RAB27B: variants seen among roughly 807,000 people sequenced by gnomAD.
RAB27B encodes the protein RAB27B, member RAS oncogene family.
In RAB27B, 15 loss-of-function variants were observed where a neutral mutation model predicts 24.6. The ratio of observed to expected loss-of-function variants is 0.61; its 90% CI spans 0.41 to 0.94. RAB27B has a LOEUF of 0.94. Among genes scored for constraint, RAB27B ranks in the 40% least tolerant of loss-of-function variants. RAB27B has a pLI of 0.00. For synonymous variants in RAB27B, 105 were observed against 92.5 expected (o/e 1.14, Z -0.78); for missense variants, 261 against 266.8 (o/e 0.98, Z 0.15).
intron 2 of RAB27B, among the ~76,000 whole-genome samples, chr18:54,812,560 C>A (rs959661348): frequency 1.4e-5 from 2 of 139,236 alleles, no homozygotes; most frequent in African/African-American, 5.2e-5. Flanking sequence ...AACACACACA[C>A]ACACACACAC....
intron 1 of RAB27B, among the ~76,000 whole-genome samples, chr18:54,861,494 C>A (rs370614270): frequency 1.3e-5 from 2 of 152,036 alleles, no homozygotes; most frequent in Non-Finnish European, 2.9e-5. Context: ...TTGAATCAGG[C>A]GCCTATGGTG....
intron 2 of RAB27B, among the ~76,000 whole-genome samples, chr18:54,758,759 C>T (rs775599417): frequency 2.0e-5 from 3 of 151,992 alleles, no homozygotes; most frequent in Admixed American, 6.6e-5. Flanking sequence ...TGAAGGCATT[C>T]GATGGTGATT....
At chr18:54,879,553 C>G in intron 3 of RAB27B, 99 bp downstream of exon 3, 1 of 963,324 alleles carries the variant, frequency 1.0e-6, no homozygotes, top group Non-Finnish European at 1.7e-6. Context: ...TAATATTCAA[C>G]TCTTCTCCTG....
intron 2 of RAB27B, among the ~76,000 whole-genome samples, chr18:54,724,138 A>G (rs1287258603): frequency 2.0e-5 from 3 of 151,618 alleles, no homozygotes; most frequent in Non-Finnish European, 4.4e-5. Context: ...TTGGATGTCA[A>G]AATAAAGGTA....
intron 2 of RAB27B, chr18:54,745,373 G>T: frequency 6.3e-6 from 1 of 159,544 alleles, no homozygotes; most frequent in South Asian, 1.7e-4. Flanking sequence ...TGAATAGGAA[G>T]AGCAGGCTGT....
intron 3 of RAB27B, among the ~76,000 whole-genome samples, chr18:54,882,443 C>T (rs147083908): frequency 7.9e-5 from 12 of 152,144 alleles, no homozygotes; most frequent in Non-Finnish European, 1.3e-4. Context: ...AATAAACAAT[C>T]GCAATGGAGC....
chr18:54,850,334 ATATATAT>A (rs1911515725), intron 1 of RAB27B, among the ~76,000 whole-genome samples: 1 of 8,982 alleles, frequency 1.1e-4, no homozygotes, highest in African/African-American at 2.6e-4. Flanking sequence ...AACAAACAGG[ATATATAT>A]ATATATATAT....
Position 54,842,399 on chromosome 18 carries a change from C to T in RAB27B, c.-20+13699C>T, listed in dbSNP as rs140112429. On this transcript the variant is annotated intron_variant, in intron 1 of 5. Transcript: ENST00000262094. ...TTTCCAGTCTTACTTCAAGGGCATACGGTTTTGAACTATTTTTCAGAAAAG... is the reference window on the plus strand; with the variant it reads ...TTTCCAGTCTTACTTCAAGGGCATATGGTTTTGAACTATTTTTCAGAAAAG... Among the ~76,000 whole-genome samples, 93 of 152,190 alleles carry T rather than the reference C, an allele frequency of 6.1e-4. 2 individuals are homozygous for T. In the South Asian group the frequency reaches 0.016, roughly 27 times the overall value.
chr18:54,889,491 G>A lies in RAB27B; in HGVS notation c.*78G>A. Reference sequence around the variant, plus strand: ...AACAATGACAAACCACACAATTGTTGTTGAGTAAACCACGCACAATGGCAT... The same window carrying A: ...AACAATGACAAACCACACAATTGTTATTGAGTAAACCACGCACAATGGCAT... On this transcript the variant is annotated 3_prime_UTR_variant, in exon 6 of 6. Coordinates refer to ENST00000262094, the MANE Select transcript of RAB27B (RefSeq NM_004163.4). The A allele has an allele frequency of 7.5e-7, 1 of 1,335,236 alleles. No individual in the cohort carries two copies. The highest frequency in any genetic ancestry group is 1.6e-5 in the South Asian group (1 of 63,320). The allele number at this position is 1,335,236 out of a possible 1,614,324, so 82.7% of individuals were successfully genotyped here.
At chr18:54,761,879 A>G (rs1568056270) in intron 2 of RAB27B, among the ~76,000 whole-genome samples, 1 of 152,160 alleles carries the variant, frequency 6.6e-6, no homozygotes, top group African/African-American at 2.4e-5. Flanking sequence ...GCCCACCCAG[A>G]GTCTCCTAAT....
intron 2 of RAB27B, among the ~76,000 whole-genome samples, chr18:54,807,861 G>A (rs542043386): frequency 2.6e-5 from 4 of 152,268 alleles, no homozygotes; most frequent in Admixed American, 2.6e-4. Flanking sequence ...TAAACAGCAT[G>A]AGACATTAAA....
intron 2 of RAB27B, among the ~76,000 whole-genome samples, chr18:54,766,392 C>A (rs73960612): frequency 7.9e-5 from 12 of 152,040 alleles, no homozygotes; most frequent in Non-Finnish European, 1.6e-4. Flanking sequence ...ATTTGGGAGA[C>A]CTGGGTTTCA....
chr18:54,761,013 C>A (rs1282929274), intron 2 of RAB27B, among the ~76,000 whole-genome samples: 1 of 145,202 alleles, frequency 6.9e-6, no homozygotes, highest in Non-Finnish European at 1.5e-5. Flanking sequence ...TTTTTTTTAA[C>A]TGAATATCAA....
At position 54,744,456 on chromosome 18, in the gene RAB27B, T is replaced by C. The variant is rs564777898; in HGVS notation, c.-20+26315T>C. On this transcript the variant is annotated intron_variant, in intron 2 of 4. Transcript: ENST00000586570. Reference sequence around the variant, plus strand: ...GCTTGTTTCTTTTTGAAGGAGAATATAGAGAGGGTCAGGCCCAAGGCTATC... The same window carrying C: ...GCTTGTTTCTTTTTGAAGGAGAATACAGAGAGGGTCAGGCCCAAGGCTATC... 3.7e-4 allele frequency among the ~76,000 whole-genome samples: 57 copies of C among 152,268 alleles called. 1 individual carries two copies. The South Asian group carries it at 8.3e-3, about 22-fold the overall frequency.
chr18:54,785,445 T>TTG (rs540398705), intron 2 of RAB27B, among the ~76,000 whole-genome samples: 3 of 147,456 alleles, frequency 2.0e-5, no homozygotes, highest in Non-Finnish European at 4.5e-5. Flanking sequence ...GGTTTTTTTT[T>TTG]TTTTTTTTTT....
chr18:54,782,537 C>T (rs964111984), intron 2 of RAB27B, among the ~76,000 whole-genome samples: 1 of 152,158 alleles, frequency 6.6e-6, no homozygotes, highest in Non-Finnish European at 1.5e-5. Flanking sequence ...TATAACACAA[C>T]AGTAAGGTAT....
At chr18:54,755,475 G>A (rs901729829) in intron 2 of RAB27B, among the ~76,000 whole-genome samples, 2 of 152,118 alleles carry the variant, frequency 1.3e-5, no homozygotes, top group South Asian at 2.1e-4. Flanking sequence ...GTGGCATCAG[G>A]TTTAAGGGAG....
At chr18:54,752,186 A>T (rs1302216109) in intron 2 of RAB27B, among the ~76,000 whole-genome samples, 1 of 152,212 alleles carries the variant, frequency 6.6e-6, no homozygotes, top group Non-Finnish European at 1.5e-5. Flanking sequence ...TTATTTTAAA[A>T]TTGTAAGCTG....
chr18:54,840,117 T>C (rs951417440), intron 1 of RAB27B, among the ~76,000 whole-genome samples: 10 of 152,244 alleles, frequency 6.6e-5, no homozygotes, highest in African/African-American at 2.4e-4. Context: ...TTATGACTTG[T>C]CTATTTTATC....
Sources: gnomAD v4.1 joint callset for allele counts (sites outside exome capture counted in the v4.1 genomes callset) on GRCh38, gnomAD v4.1.1 for gene constraint, MANE v1.5 for transcripts, NCBI Gene and HGNC (gene_info 2026-07-23, HGNC 2026-07-21) for gene names.